The following SSBP3 variants were observed in gnomAD, a reference collection of about 807,000 sequenced individuals.
SSBP3 encodes the protein single-stranded DNA-binding protein 3.
Under a neutral mutation model 69.6 loss-of-function variants are expected in SSBP3, and 5 were observed. The ratio of observed to expected loss-of-function variants is 0.07; its 90% confidence interval spans 0.04 to 0.15. The LOEUF is 0.15. Among genes scored for constraint, SSBP3 ranks in the 10% least tolerant of loss-of-function variants. The pLI is 1.00. For synonymous variants in SSBP3, 196 were observed against 193.4 expected (o/e 1.01, Z -0.11); for missense variants, 312 against 534.0 (o/e 0.58, Z 4.10).
At chr1:54,273,567 G>A (rs1645232895) in intron 5 of SSBP3, among the ~76,000 whole-genome samples, 2 of 152,192 alleles carry the variant, frequency 1.3e-5, no homozygotes, top group Non-Finnish European at 2.9e-5. Context: ...CAGGGGAGGT[G>A]TTGGCAAGCA....
chr1:54,302,699 T>G (rs982147153), intron 4 of SSBP3, among the ~76,000 whole-genome samples: 1 of 152,220 alleles, frequency 6.6e-6, no homozygotes, highest in Non-Finnish European at 1.5e-5. Flanking sequence ...GAATAACAAC[T>G]CACCACTTCG....
intron 4 of SSBP3, among the ~76,000 whole-genome samples, chr1:54,282,726 C>T (rs1645419783): frequency 2.0e-5 from 3 of 152,236 alleles, no homozygotes; most frequent in Admixed American, 1.3e-4. Flanking sequence ...CCTGCTCCTT[C>T]CCACTGATTC....
intron 4 of SSBP3, among the ~76,000 whole-genome samples, chr1:54,388,020 G>A (rs1262057009): frequency 6.6e-6 from 1 of 152,158 alleles, no homozygotes; most frequent in African/African-American, 2.4e-5. Flanking sequence ...TAAATGTTGT[G>A]AAGAAAAATA....
At chr1:54,259,195 G>T (rs905419977) in intron 5 of SSBP3, among the ~76,000 whole-genome samples, 2 of 151,456 alleles carry the variant, frequency 1.3e-5, no homozygotes, top group Admixed American at 1.3e-4. Context: ...ATGGGCAGAT[G>T]AATTCACTTC....
intron 14 of SSBP3, chr1:54,238,554 G>A (rs1016275006): frequency 5.7e-6 from 2 of 353,316 alleles, no homozygotes; most frequent in Non-Finnish European, 5.8e-6. Flanking sequence ...GGGTGCAGGG[G>A]ACACAGGAGG....
chr1:54,249,532 TA>T (rs933855095), intron 9 of SSBP3, among the ~76,000 whole-genome samples: 2 of 152,036 alleles, frequency 1.3e-5, no homozygotes, highest in Middle Eastern at 6.8e-3. Flanking sequence ...CTGTCTCTAC[TA>T]AAAATACAAA....
At chr1:54,383,806 T>C (rs993351110) in intron 4 of SSBP3, among the ~76,000 whole-genome samples, 1 of 151,914 alleles carries the variant, frequency 6.6e-6, no homozygotes, top group African/African-American at 2.4e-5. Context: ...CCCAGCCCCC[T>C]TTATAAAAAG....
At chr1:54,407,838 A>G (rs889378120), upstream of SSBP3, among the ~76,000 whole-genome samples, 6 of 150,792 alleles carry the variant, frequency 4.0e-5, no homozygotes, top group African/African-American at 1.5e-4. Flanking sequence ...GCACCAAACA[A>G]TTAAAGGATA....
chr1:54,386,751 C>G (rs76925781), intron 4 of SSBP3, among the ~76,000 whole-genome samples: 5 of 133,624 alleles, frequency 3.7e-5, no homozygotes, highest in Non-Finnish European at 7.6e-5. Context: ...TCATAGCTCA[C>G]TGCAGCCTCC....
At chr1:54,340,127 T>C (rs1361077836) in intron 4 of SSBP3, among the ~76,000 whole-genome samples, 1 of 152,156 alleles carries the variant, frequency 6.6e-6, no homozygotes, top group Non-Finnish European at 1.5e-5. Flanking sequence ...CTCAGGTCCC[T>C]GACATGTGAC....
chr1:54,411,586 T>C (rs1382487600), intron 1 of SSBP3, among the ~76,000 whole-genome samples: 1 of 151,522 alleles, frequency 6.6e-6, no homozygotes, highest in African/African-American at 2.4e-5. Context: ...CCAGGGACGC[T>C]GGGAAGTACA....
chr1:54,284,633 A>G (rs955504847), intron 4 of SSBP3, among the ~76,000 whole-genome samples: 1 of 151,402 alleles, frequency 6.6e-6, no homozygotes, highest in African/African-American at 2.4e-5. Context: ...ATACCCAGCT[A>G]ATTTTTAAAA....
chr1:54,255,158 C>CG (rs34404422), intron 7 of SSBP3, among the ~76,000 whole-genome samples: 2,448 of 63,300 alleles, frequency 0.039, 62 homozygotes, highest in South Asian at 0.065. Flanking sequence ...TGCGGGGGGG[C>CG]GGGGGGGGGG....
exon 18 of SSBP3, chr1:54,225,679 G>T: frequency 4.5e-6 from 1 of 220,220 alleles, no homozygotes; most frequent in African/African-American, 2.3e-5. Context: ...CAGCTACAGG[G>T]GAGGGAGGAA....
chr1:54,346,325 C>CA (rs879480958), intron 4 of SSBP3, among the ~76,000 whole-genome samples: 2,418 of 121,730 alleles, frequency 0.02, 25 homozygotes, highest in Middle Eastern at 0.042. Flanking sequence ...ACTCCATCTC[C>CA]AAAAAAAAAA....
At chr1:54,351,130 A>T (rs1646775076) in intron 4 of SSBP3, among the ~76,000 whole-genome samples, 1 of 152,162 alleles carries the variant, frequency 6.6e-6, no homozygotes, top group Non-Finnish European at 1.5e-5. Flanking sequence ...CCCAGCCTTA[A>T]ATGCTATTTT....
chr1:54,372,857 G>C (rs770956066), intron 4 of SSBP3, among the ~76,000 whole-genome samples: 1 of 152,226 alleles, frequency 6.6e-6, no homozygotes, highest in African/African-American at 2.4e-5. Context: ...GCTGGAGAAC[G>C]GTAGGGCCAG....
At chr1:54,313,500 T>A (rs1043631258) in intron 4 of SSBP3, among the ~76,000 whole-genome samples, 2 of 137,434 alleles carry the variant, frequency 1.5e-5, no homozygotes, top group Non-Finnish European at 3.1e-5. Context: ...TTGCCGAGGC[T>A]GGGTTAAAAC....
At chr1:54,410,663 A>G (rs1649964456), upstream of SSBP3, among the ~76,000 whole-genome samples, 2 of 152,206 alleles carry the variant, frequency 1.3e-5, no homozygotes, top group Non-Finnish European at 2.9e-5. Context: ...ACAAAATCCA[A>G]CACGCAAAGA....
Sources: gnomAD v4.1 joint callset for allele counts (sites outside exome capture counted in the v4.1 genomes callset) on GRCh38, gnomAD v4.1.1 for gene constraint, MANE v1.5 for transcripts, NCBI Gene and HGNC (gene_info 2026-07-23, HGNC 2026-07-21) for gene names.